Variants in SCAF8 observed in about 807,000 individuals in gnomAD.
The protein encoded by SCAF8 is SR-related and CTD-associated factor 8.
Under a neutral mutation model 140.5 loss-of-function variants are expected in SCAF8, and 23 were observed. The observed-to-expected ratio is 0.16, with a 90% CI of 0.12 to 0.23. SCAF8 has a LOEUF of 0.23. Among genes scored for constraint, SCAF8 ranks in the 10% least tolerant of loss-of-function variants. The pLI is 1.00. For synonymous variants in SCAF8, 575 were observed against 528.9 expected (o/e 1.09, Z -1.20); for missense variants, 1,397 against 1,555.7 (o/e 0.90, Z 1.72).
intron 1 of SCAF8, among the ~76,000 whole-genome samples, chr6:154,754,941 A>C (rs1380248337): frequency 2.0e-5 from 3 of 152,196 alleles, no homozygotes; most frequent in African/African-American, 7.2e-5. Context: ...TTTCCTCCAC[A>C]AACTTACTTT....
At chr6:154,744,497 G>T (rs761953903) in intron 1 of SCAF8, among the ~76,000 whole-genome samples, 2 of 152,128 alleles carry the variant, frequency 1.3e-5, no homozygotes, top group African/African-American at 2.4e-5. Context: ...TGGATCTTTA[G>T]TATTAACTTT....
chr6:154,831,033 T>G lies in SCAF8; in HGVS notation c.2252T>G (p.Leu751Arg). ...SVASNLATSALPAGNVFNAPT... is the reference protein window; with the variant it reads ...SVASNLATSARPAGNVFNAPT... ...GCCAGCAATCTTGCTACTTCCGCTC[T>G]GCCAGCTGGAAATGTTTTTAATGCT... Residue 751 changes from leucine to arginine, a missense_variant, in exon 19 of 20, where the codon CTG (leucine) becomes CGG (arginine). Physicochemically the swap from Leu to Arg is moderately radical, Grantham distance 102 (BLOSUM62 -2). Transcript: ENST00000367178. The G allele has an allele frequency of 6.2e-7, 1 of 1,614,092 alleles. No homozygotes were observed. The highest frequency in any genetic ancestry group is 1.1e-5 in the South Asian group (1 of 91,084).
intron 2 of SCAF8, among the ~76,000 whole-genome samples, chr6:154,775,052 C>T (rs1776877896): frequency 6.6e-6 from 1 of 152,158 alleles, no homozygotes; most frequent in South Asian, 2.1e-4. Context: ...AAAGCACCAA[C>T]TATTTAAATT....
At chr6:154,738,323 C>T (rs1778482481) in intron 1 of SCAF8, among the ~76,000 whole-genome samples, 1 of 152,128 alleles carries the variant, frequency 6.6e-6, no homozygotes. Context: ...GTCATGTCTA[C>T]CCTCCCTACC....
At chr6:154,796,353 T>TTCCGTCTC (rs772760237) in intron 6 of SCAF8, among the ~76,000 whole-genome samples, 3 of 75,198 alleles carry the variant, frequency 4.0e-5, no homozygotes, top group African/African-American at 2.4e-4. Flanking sequence ...TGCAATCCTG[T>TTCCGTCTC]TCTCTCTCTC....
At chr6:154,747,703 A>G (rs1028817456) in intron 1 of SCAF8, among the ~76,000 whole-genome samples, 2 of 152,172 alleles carry the variant, frequency 1.3e-5, no homozygotes, top group African/African-American at 4.8e-5. Flanking sequence ...AAGGCCTTAT[A>G]GTGCTTATTT....
At chr6:154,779,779 G>GTA (rs1394723649) in intron 3 of SCAF8, among the ~76,000 whole-genome samples, 5 of 97,592 alleles carry the variant, frequency 5.1e-5, no homozygotes, top group Non-Finnish European at 9.5e-5. Flanking sequence ...GTGTGTGTGT[G>GTA]TGTATATATA....
intron 1 of SCAF8, among the ~76,000 whole-genome samples, chr6:154,751,206 C>G (rs1471204823): frequency 6.6e-6 from 1 of 151,850 alleles, no homozygotes; most frequent in Non-Finnish European, 1.5e-5. Flanking sequence ...AACTGTCTTG[C>G]TTAAACCTGA....
In SCAF8 at chr6:154,808,772, A is replaced by G. The variant is rs1405837409; in HGVS notation, c.1200A>G (p.Ser400=). ...AGAAAGTGGCGGTTCGCTCAAGATC[A>G]AGAACACATTCACGATCTCGTTCAA... ...EAKKVAVRSR[S]RTHSRSRSRS... is the part of the protein sequence containing the mutation. The change falls in exon 11 of 20, where the codon TCA becomes TCG. Residue 400 remains serine, a synonymous_variant. Coordinates refer to ENST00000367178, the MANE Select transcript of SCAF8 (RefSeq NM_014892.5). 1.2e-6 allele frequency: 2 copies of G among 1,612,656 alleles called. No individual in the cohort carries two copies. The highest frequency in any genetic ancestry group is 1.7e-4 in the Middle Eastern group (1 of 6,058).
At chr6:154,786,222 A>T (rs1461670089) in intron 3 of SCAF8, among the ~76,000 whole-genome samples, 1 of 152,174 alleles carries the variant, frequency 6.6e-6, no homozygotes, top group East Asian at 1.9e-4. Flanking sequence ...GTCAGGTTGG[A>T]GATGGAATCA....
chr6:154,743,791 T>C (rs1778629682), intron 1 of SCAF8, among the ~76,000 whole-genome samples: 1 of 152,212 alleles, frequency 6.6e-6, no homozygotes, highest in Non-Finnish European at 1.5e-5. Flanking sequence ...TGTTGAAATA[T>C]TTTAAATATA....
intron 12 of SCAF8, 49 bp from the exon 13 acceptor site, chr6:154,815,667 G>A (rs1362529459): frequency 9.9e-7 from 1 of 1,006,690 alleles, no homozygotes; most frequent in Non-Finnish European, 1.6e-6. Flanking sequence ...TTTCAAAGAA[G>A]TAACTATGTC....
intron 1 of SCAF8, among the ~76,000 whole-genome samples, chr6:154,745,031 T>C (rs1295957421): frequency 6.6e-6 from 1 of 152,234 alleles, no homozygotes; most frequent in Non-Finnish European, 1.5e-5. Flanking sequence ...GATACAGTAC[T>C]GTTGTCTGTA....
chr6:154,770,384 ACACACTCTCTCTCTCTCT>A (rs1459493653), intron 1 of SCAF8, among the ~76,000 whole-genome samples: 117 of 137,274 alleles, frequency 8.5e-4, no homozygotes, highest in African/African-American at 3.5e-3. Context: ...ACACACACAC[ACACACTCTCTCTCTCTCT>A]CTCTCTCTCT....
intron 3 of SCAF8, among the ~76,000 whole-genome samples, chr6:154,785,691 T>C (rs1363379814): frequency 7.4e-6 from 1 of 135,200 alleles, no homozygotes; most frequent in East Asian, 2.4e-4. Flanking sequence ...ATAATTAAGG[T>C]GTATTTGTAT....
chr6:154,818,675 A>G, intron 14 of SCAF8, 83 bp downstream of exon 14: 1 of 589,010 alleles, frequency 1.7e-6, no homozygotes, highest in Non-Finnish European at 3.0e-6. Context: ...TTTTCACAAG[A>G]GGGTCACAAG....
intron 4 of SCAF8, among the ~76,000 whole-genome samples, chr6:154,789,761 G>T (rs1310531650): frequency 6.6e-6 from 1 of 151,968 alleles, no homozygotes; most frequent in Non-Finnish European, 1.5e-5. Flanking sequence ...TAGCCAGGAT[G>T]GTCTCGATCT....
chr6:154,814,049 G>A (rs1454294960), intron 12 of SCAF8, among the ~76,000 whole-genome samples: 1 of 152,222 alleles, frequency 6.6e-6, no homozygotes, highest in Admixed American at 6.5e-5. Flanking sequence ...ATAAAAAACT[G>A]TTACAAGGCT....
At chr6:154,734,627 GTTCA>G (rs1376168209) in intron 1 of SCAF8, among the ~76,000 whole-genome samples, 1 of 152,142 alleles carries the variant, frequency 6.6e-6, no homozygotes, top group East Asian at 1.9e-4. Context: ...TTTCTCGCTG[GTTCA>G]TTCACGTGTC....
Sources: allele counts gnomAD v4.1 joint callset (sites outside exome capture counted in the v4.1 genomes callset), GRCh38; gene constraint gnomAD v4.1.1; transcripts MANE v1.5; gene names NCBI Gene and HGNC (gene_info 2026-07-23, HGNC 2026-07-21).